SLC45A3: variants seen among roughly 807,000 people sequenced by gnomAD.
The protein encoded by SLC45A3 is prostate cancer associated protein 2.
SLC45A3 carries 17 observed loss-of-function variants against 35.3 expected under a neutral mutation model. The observed-to-expected ratio is 0.48, with a 90% CI of 0.33 to 0.72. SLC45A3 has a LOEUF of 0.72. SLC45A3 is among the 30% of genes least tolerant of loss of function. SLC45A3 has a pLI of 0.02. For synonymous variants in SLC45A3, 288 were observed against 334.3 expected, an observed-to-expected ratio of 0.86 and a Z score of 1.51; for missense variants, 597 against 731.7, an observed-to-expected ratio of 0.82 and a Z score of 2.12.
chr1:205,677,139 C>T (rs985482975), intron 1 of SLC45A3, among the ~76,000 whole-genome samples: 8 of 152,280 alleles, frequency 5.3e-5, no homozygotes, highest in African/African-American at 1.9e-4. Flanking sequence ...GTTCATGGTA[C>T]CCTTTTCCAG....
rs1670958118 is a variant in SLC45A3, at chr1:205,658,212, C to T, written c.*1022G>A. The T allele has an allele frequency of 8.6e-6, 2 of 232,560 alleles. No individual in the cohort carries two copies. The highest frequency in any genetic ancestry group is 1.2e-4 in the East Asian group (2 of 16,524). 14.4% of individuals were successfully genotyped at this position (232,560 alleles called of 1,614,324 possible). On this transcript the variant is annotated 3_prime_UTR_variant, in exon 5 of 5. Coordinates refer to ENST00000367145, the MANE Select transcript of SLC45A3 (RefSeq NM_033102.3). ...ATTTTGGGCAGTGCCTTCATCAGCC[C>T]AGTCCTAGAGAGAGTAGAGGGGAGT...
Position 205,662,570 on chromosome 1 carries a change from T to A in SLC45A3, c.958+263A>T. The A allele has an allele frequency of 7.5e-7, 1 of 1,325,186 alleles. No homozygotes were observed. Among genetic ancestry groups the A allele is most frequent in the East Asian group, 2.9e-5 (1 of 34,726 alleles). 82.1% of individuals were successfully genotyped at this position (1,325,186 alleles called of 1,614,324 possible). On this transcript the variant is annotated intron_variant, in intron 3 of 4. Transcript: ENST00000367145. This position sits in a 1 kb window ranked among gnomAD's most constrained non-coding sequence, Gnocchi z 6.2. ...CTTAACTCCTCCACTCCCTCTAGAC[T>A]TTGAATAAGCTCCGCCTTTCCTTCT...
intron 1 of SLC45A3, among the ~76,000 whole-genome samples, chr1:205,667,772 C>T (rs568173758): frequency 1.3e-5 from 2 of 152,156 alleles, no homozygotes; most frequent in African/African-American, 4.8e-5. Context: ...TTGCCCCTCC[C>T]TTAATCAAGT....
Position 205,659,611 on chromosome 1 carries a change from T to C in SLC45A3, c.1285A>G (p.Thr429Ala), listed in dbSNP as rs1303729323. ...GGASSEDSLM[T>A]SFLPGPKPGA... Reference sequence around the variant, plus strand: ...GGCTTAGGGCCTGGCAGGAAGCTGGTCATCAGGCTGTCCTCACTGCTAGCA... The same window carrying C: ...GGCTTAGGGCCTGGCAGGAAGCTGGCCATCAGGCTGTCCTCACTGCTAGCA... Residue 429 changes from threonine (T) to alanine (A), a missense_variant, in exon 5 of 5, where the codon ACC becomes GCC. Physicochemically the swap from Thr to Ala is moderately conservative, Grantham distance 58. This residue lies in a region of SLC45A3 where 555 missense variants were observed against 664.9 expected (regional missense o/e 0.83). Transcript: ENST00000367145. This position sits in a 1 kb window ranked among gnomAD's most constrained non-coding sequence, Gnocchi z 5.8. 1 of 1,558,528 alleles carries C rather than the reference T, an allele frequency of 6.4e-7. No homozygotes were observed. The highest frequency in any genetic ancestry group is 8.7e-7 in the Non-Finnish European group (1 of 1,154,092).
rs1325247483 is a variant in SLC45A3 at position 205,658,178 on chromosome 1, G to A, written c.*1056C>T. The A allele has an allele frequency of 5.2e-6, 1 of 191,896 alleles. No homozygotes were observed. Among genetic ancestry groups the A allele is most frequent in the Non-Finnish European group, 1.1e-5 (1 of 93,496 alleles). The allele number at this position is 191,896 out of a possible 1,614,324, so 11.9% of individuals were successfully genotyped here. ...AGTTGGGGGTAGGGGAAAGTTGGGGGTAGGGGAAATTTTGGGCAGTGCCTT... is the reference window on the plus strand; with the variant it reads ...AGTTGGGGGTAGGGGAAAGTTGGGGATAGGGGAAATTTTGGGCAGTGCCTT... On this transcript the variant is annotated 3_prime_UTR_variant, in exon 5 of 5. Transcript: ENST00000367145.
In SLC45A3 at chr1:205,666,788, A is replaced by G. The variant is rs952254304; in HGVS notation, c.-230-1902T>C. Among the ~76,000 whole-genome samples, 1 of 152,224 alleles carries G rather than the reference A, an allele frequency of 6.6e-6. No individual in the cohort carries two copies. Among genetic ancestry groups the G allele is most frequent in the Non-Finnish European group, 1.5e-5 (1 of 68,036 alleles). Reference sequence around the variant, plus strand: ...TCTTAGCTGAGCTGTCATAGGTTCAACTTGAGCATCTCATTGCTGCATTTC... The same window carrying G: ...TCTTAGCTGAGCTGTCATAGGTTCAGCTTGAGCATCTCATTGCTGCATTTC... On this transcript the variant is annotated intron_variant, in intron 1 of 4. Coordinates refer to ENST00000367145, the MANE Select transcript of SLC45A3 (RefSeq NM_033102.3). This position sits in a 1 kb window ranked among gnomAD's most constrained non-coding sequence, Gnocchi z 4.1.
rs1671039848 is a variant in SLC45A3, at chr1:205,662,240, C to T, written c.959-114G>A. On this transcript the variant is annotated intron_variant, in intron 3 of 4. Transcript: ENST00000367145. This position sits in a 1 kb window ranked among gnomAD's most constrained non-coding sequence, Gnocchi z 6.2. ...CTGCTGCACGAGACCTGCTGTGGAC[C>T]AGCCCTGCTCCCCAGCACCCTTCCC... 2 of 1,459,604 alleles carry T rather than the reference C, an allele frequency of 1.4e-6. No homozygotes were observed. The highest frequency in any genetic ancestry group is 1.8e-6 in the Non-Finnish European group (2 of 1,106,328). The allele number at this position is 1,459,604 out of a possible 1,614,324, so 90.4% of individuals were successfully genotyped here.
In SLC45A3 at chr1:205,663,591, C is replaced by T; in HGVS notation, c.200G>A (p.Cys67Tyr). 1 of 1,604,636 alleles carries T rather than the reference C, an allele frequency of 6.2e-7. No individual in the cohort carries two copies. The highest frequency in any genetic ancestry group is 8.5e-7 in the Non-Finnish European group (1 of 1,176,742). ...LGIGPVLGLV[C>Y]VPLLGSASDH... ...ACTGGCTGAGCCTAGGAGCGGGACA[C>T]AGACCAGGCCCAGCACTGGACCAAT... The change falls in exon 3 of 5, where the codon TGT (cysteine) becomes TAT (tyrosine). Residue 67 changes from cysteine (C) to tyrosine (Y), a missense_variant. By Grantham distance (194) the Cys-to-Tyr change is radical (BLOSUM62 -2). Coordinates refer to ENST00000367145, the MANE Select transcript of SLC45A3 (RefSeq NM_033102.3).
Position 205,666,678 on chromosome 1 carries a change from G to A in SLC45A3, c.-230-1792C>T, listed in dbSNP as rs1476880706. On this transcript the variant is annotated intron_variant, in intron 1 of 4. Transcript: ENST00000367145. This position sits in a 1 kb window ranked among gnomAD's most constrained non-coding sequence, Gnocchi z 4.1. ...ACTCACCCTTTGGGATGGGGCACACGGCCTCCTACGGAGGTGGCATGAGAA... is the reference window on the plus strand; with the variant it reads ...ACTCACCCTTTGGGATGGGGCACACAGCCTCCTACGGAGGTGGCATGAGAA... Among the ~76,000 whole-genome samples, 2 of 152,228 alleles carry A rather than the reference G, an allele frequency of 1.3e-5. No homozygotes were observed. Among genetic ancestry groups the A allele is most frequent in the East Asian group, 1.9e-4 (1 of 5,198 alleles).
At chr1:205,679,139 T>A (rs1024482618) in intron 1 of SLC45A3, among the ~76,000 whole-genome samples, 1 of 152,224 alleles carries the variant, frequency 6.6e-6, no homozygotes, top group South Asian at 2.1e-4. Flanking sequence ...CCTGGTCAAC[T>A]GGCAATGCCC....
intron 4 of SLC45A3, among the ~76,000 whole-genome samples, chr1:205,661,359 A>C (rs1671018681): frequency 6.6e-6 from 1 of 152,220 alleles, no homozygotes; most frequent in Non-Finnish European, 1.5e-5. Flanking sequence ...TAGACAGAAA[A>C]GAAAAATAAG....
chr1:205,661,405 T>C (rs1375327433), intron 4 of SLC45A3, among the ~76,000 whole-genome samples: 3 of 152,132 alleles, frequency 2.0e-5, no homozygotes, highest in Non-Finnish European at 2.9e-5. Flanking sequence ...GCCTGCCCCA[T>C]CTCAGAGACC....
At chr1:205,676,268 G>A (rs776628998) in intron 1 of SLC45A3, among the ~76,000 whole-genome samples, 40 of 152,172 alleles carry the variant, frequency 2.6e-4, no homozygotes, top group Non-Finnish European at 4.4e-5. Context: ...AGCGACCACA[G>A]GGGAAAGACA....
At chr1:205,668,022 G>T (rs1671146313) in intron 1 of SLC45A3, among the ~76,000 whole-genome samples, 1 of 152,090 alleles carries the variant, frequency 6.6e-6, no homozygotes, top group Admixed American at 6.6e-5. Context: ...AAGGGTGCAG[G>T]CTTCAAGCAC....
At chr1:205,665,174 A>G (rs1314060718) in intron 1 of SLC45A3, among the ~76,000 whole-genome samples, 1 of 152,196 alleles carries the variant, frequency 6.6e-6, no homozygotes, top group East Asian at 1.9e-4. Context: ...CTTCCCTGTT[A>G]GTATTGGGGA....
In SLC45A3 at chr1:205,666,822, C is replaced by T. The variant is rs1426148388; in HGVS notation, c.-230-1936G>A. 6.6e-6 allele frequency among the ~76,000 whole-genome samples: 1 copy of T among 152,214 alleles called. No individual in the cohort carries two copies. The highest frequency in any genetic ancestry group is 6.5e-5 in the Admixed American group (1 of 15,276). On this transcript the variant is annotated intron_variant, in intron 1 of 4. Coordinates refer to ENST00000367145, the MANE Select transcript of SLC45A3 (RefSeq NM_033102.3). The surrounding 1 kb of genome is among the most constrained non-coding windows in gnomAD (Gnocchi z 4.1). ...TCTCATTGCTGCATTTCCACAGTAC[C>T]CCCAAGAAGGAAAGCAGGAGACAGC...
At chr1:205,676,948 G>C (rs1240445298) in intron 1 of SLC45A3, among the ~76,000 whole-genome samples, 8 of 152,216 alleles carry the variant, frequency 5.3e-5, no homozygotes, top group Non-Finnish European at 8.8e-5. Flanking sequence ...ACTGTTCAAA[G>C]AAAGCTAGGC....
chr1:205,669,606 G>A lies in SLC45A3; in HGVS notation c.-230-4720C>T, dbSNP rs1266583930. On this transcript the variant is annotated intron_variant, in intron 1 of 4. Transcript: ENST00000367145. This position sits in a 1 kb window ranked among gnomAD's most constrained non-coding sequence, Gnocchi z 4.1. ...CTAAGGCTTCTTTATGCAGGCCAGCGTCAAACCCCACCCAGGCACATCAAA... is the reference window on the plus strand; with the variant it reads ...CTAAGGCTTCTTTATGCAGGCCAGCATCAAACCCCACCCAGGCACATCAAA... 1.3e-5 allele frequency among the ~76,000 whole-genome samples: 2 copies of A among 152,134 alleles called. No homozygotes were observed. The highest frequency in any genetic ancestry group is 4.8e-5 in the African/African-American group (2 of 41,438).
At chr1:205,676,446 T>C (rs1450191593) in intron 1 of SLC45A3, among the ~76,000 whole-genome samples, 1 of 151,986 alleles carries the variant, frequency 6.6e-6, no homozygotes, top group East Asian at 1.9e-4. Flanking sequence ...TCTCCAGAAG[T>C]AACAAAGAAG....
Sources: allele counts gnomAD v4.1 joint callset (sites outside exome capture counted in the v4.1 genomes callset), GRCh38; gene constraint gnomAD v4.1.1; regional missense constraint gnomAD v4.1.1; non-coding constraint Gnocchi (gnomAD v3.1); transcripts MANE v1.5; gene names NCBI Gene and HGNC (gene_info 2026-07-23, HGNC 2026-07-21).